The following ZMYM2 variants were observed in gnomAD, a reference collection of about 807,000 sequenced individuals.
ZMYM2 encodes zinc finger MYM-type containing 2, also known as zinc finger MYM-type protein 2.
A neutral mutation model predicts 162.8 loss-of-function variants in ZMYM2; 56 were observed. That is an observed-to-expected ratio of 0.34 (90% CI 0.28 to 0.43). The LOEUF is 0.43. Ranked by LOEUF, ZMYM2 falls within the 20% of genes least tolerant of loss-of-function variation. The pLI, the probability that ZMYM2 is intolerant of heterozygous loss-of-function variation, is 1.00. For synonymous variants in ZMYM2, 510 were observed against 541.6 expected, an observed-to-expected ratio of 0.94 and a Z score of 0.81; for missense variants, 1,275 against 1,621.8, an observed-to-expected ratio of 0.79 and a Z score of 3.67.
the ZMYM2 span, among the ~76,000 whole-genome samples, chr13:19,937,266 G>A: frequency 6.6e-6 from 1 of 151,954 alleles, no homozygotes; most frequent in Non-Finnish European, 1.5e-5. Flanking sequence ...TAGCAGCTGG[G>A]ATTACAGGAG....
At chr13:20,060,969 G>A (rs775504876) in intron 16 of ZMYM2, 84 bp from the exon 17 acceptor site, 60 of 1,308,664 alleles carry the variant, frequency 4.6e-5, no homozygotes, top group Non-Finnish European at 6.2e-5. Context: ...TTACAAAGTA[G>A]ATCATGTGTC....
chr13:20,043,516 G>T lies in ZMYM2; in HGVS notation c.2292+6607G>T, dbSNP rs935007547. ...TGTGGTTGCACTGGTGGTGGTGGTG[G>T]TGGCAGGGCGCTGGCAGGTGCAGGT... On this transcript the variant is annotated intron_variant, in intron 12 of 24. Transcript: ENST00000610343. 2.6e-5 allele frequency among the ~76,000 whole-genome samples: 4 copies of T among 152,266 alleles called. No individual in the cohort carries two copies. In the South Asian group the frequency reaches 6.2e-4, roughly 24 times the overall value.
chr13:19,905,766 G>C, the ZMYM2 span, among the ~76,000 whole-genome samples: 1 of 152,152 alleles, frequency 6.6e-6, no homozygotes, highest in African/African-American at 2.4e-5. Flanking sequence ...TGTGTGCTCT[G>C]TCCTTTTGGG....
At position 20,083,687 on chromosome 13, in the gene ZMYM2, AGAT is replaced by A. The variant is rs1326881079; in HGVS notation, c.3858_3860del (p.Asp1286del). ...TTACTACTGGAAAAAGAAAACATGA[AGAT>A]GATGAGCCAGTATTTGAACAAATTG... On this transcript the variant is annotated inframe_deletion, in exon 24 of 25. Transcript: ENST00000610343. 6.4e-7 allele frequency: 1 copy of A among 1,564,006 alleles called. No homozygotes were observed. Among genetic ancestry groups the A allele is most frequent in the South Asian group, 1.2e-5 (1 of 85,008 alleles).
At chr13:20,051,723 A>G (rs1955365221) in intron 13 of ZMYM2, 125 bp downstream of exon 13, 4 of 954,294 alleles carry the variant, frequency 4.2e-6, no homozygotes, top group African/African-American at 1.7e-5. Flanking sequence ...TAAATTCCGT[A>G]GATTCTCTGG....
At chr13:19,989,548 C>T (rs1250164785) in intron 2 of ZMYM2, among the ~76,000 whole-genome samples, 1 of 152,192 alleles carries the variant, frequency 6.6e-6, no homozygotes, top group Non-Finnish European at 1.5e-5. Flanking sequence ...AAGTGATCTG[C>T]CTGCCTCAGC....
At chr13:20,030,262 G>A (rs1162132895) in intron 9 of ZMYM2, among the ~76,000 whole-genome samples, 1 of 141,892 alleles carries the variant, frequency 7.0e-6, no homozygotes, top group Non-Finnish European at 1.5e-5. Context: ...ATGGAGTCTC[G>A]CTCTGTCACC....
the ZMYM2 span, among the ~76,000 whole-genome samples, chr13:19,877,148 C>T: frequency 3.4e-5 from 5 of 144,946 alleles, no homozygotes; most frequent in Admixed American, 1.4e-4. Flanking sequence ...GGAGGCGGAG[C>T]TTGCAGTAAG....
chr13:20,008,621 T>C (rs1170230987), intron 6 of ZMYM2, among the ~76,000 whole-genome samples: 1 of 152,258 alleles, frequency 6.6e-6, no homozygotes, highest in African/African-American at 2.4e-5. Context: ...CTTGTATTCC[T>C]AGAATAAACT....
chr13:19,971,407 A>C (rs1461129743), intron 2 of ZMYM2, among the ~76,000 whole-genome samples: 1 of 150,396 alleles, frequency 6.6e-6, no homozygotes. Context: ...AGTAGCTGGG[A>C]TTACAGACAT....
chr13:20,072,460 G>A (rs560260470), intron 21 of ZMYM2, among the ~76,000 whole-genome samples: 1 of 152,312 alleles, frequency 6.6e-6, no homozygotes, highest in African/African-American at 2.4e-5. Flanking sequence ...GGCGGAGGTT[G>A]CAGTGAGCTG....
At chr13:19,923,651 A>G in the ZMYM2 span, among the ~76,000 whole-genome samples, 51 of 137,348 alleles carry the variant, frequency 3.7e-4, no homozygotes, top group African/African-American at 1.3e-3. Context: ...GAACCACAAT[A>G]CCCTGTAGGG....
chr13:19,881,872 C>T, the ZMYM2 span, among the ~76,000 whole-genome samples: 1 of 151,232 alleles, frequency 6.6e-6, no homozygotes, highest in Non-Finnish European at 1.5e-5. Flanking sequence ...ATCCCAGCTA[C>T]TTGGGAGGCC....
the ZMYM2 span, among the ~76,000 whole-genome samples, chr13:19,949,156 T>C: frequency 2.0e-5 from 3 of 151,486 alleles, no homozygotes; most frequent in Non-Finnish European, 2.9e-5. Flanking sequence ...ACGCCTCTAA[T>C]CCCAGCACTT....
the ZMYM2 span, among the ~76,000 whole-genome samples, chr13:19,890,505 TAAAAA>T: frequency 1.0e-5 from 1 of 98,458 alleles, no homozygotes; most frequent in Admixed American, 1.3e-4. Flanking sequence ...AGTGCTTTTG[TAAAAA>T]AAAAAAAAAA....
intron 14 of ZMYM2, among the ~76,000 whole-genome samples, chr13:20,056,280 A>G (rs1243901249): frequency 6.6e-6 from 1 of 152,208 alleles, no homozygotes. Flanking sequence ...ATATTCTGGG[A>G]TTGGTTTCAT....
At chr13:20,058,518 AG>A in intron 14 of ZMYM2, 56 bp from the exon 15 acceptor site, 5 of 1,568,894 alleles carry the variant, frequency 3.2e-6, no homozygotes, top group Non-Finnish European at 3.5e-6. Context: ...CATTGACACT[AG>A]GAAGTATTGA....
intron 2 of ZMYM2, among the ~76,000 whole-genome samples, chr13:19,989,099 GT>G (rs113434815): frequency 3.9e-5 from 6 of 152,138 alleles, no homozygotes; most frequent in Non-Finnish European, 5.9e-5. Context: ...TCTCTCAAGA[GT>G]TTTTTTCCCC....
At chr13:19,947,376 G>A in the ZMYM2 span, among the ~76,000 whole-genome samples, 1 of 151,884 alleles carries the variant, frequency 6.6e-6, no homozygotes, top group Admixed American at 6.6e-5. Context: ...TTTAGGAATA[G>A]AAGGAAGCCA....
Sources: allele counts gnomAD v4.1 joint callset (sites outside exome capture counted in the v4.1 genomes callset), GRCh38; gene constraint gnomAD v4.1.1; transcripts MANE v1.5; gene names NCBI Gene and HGNC (gene_info 2026-07-23, HGNC 2026-07-21).